The following KLHL3 variants were observed in gnomAD, a reference collection of about 807,000 sequenced individuals.
KLHL3 encodes kelch like family member 3.
Under a neutral mutation model 70.5 loss-of-function variants are expected in KLHL3, and 19 were observed. The ratio of observed to expected loss-of-function variants is 0.27; its 90% CI spans 0.19 to 0.40. KLHL3 has a LOEUF of 0.40. Ranked by LOEUF, KLHL3 falls within the 10% of genes least tolerant of loss-of-function variation. KLHL3 has a pLI of 1.00. For synonymous variants in KLHL3, 258 were observed against 290.3 expected (o/e 0.89, Z 1.13); for missense variants, 512 against 771.1 (o/e 0.66, Z 3.98).
chr5:137,671,443 T>C (rs563185065), intron 6 of KLHL3, among the ~76,000 whole-genome samples: 126 of 152,316 alleles, frequency 8.3e-4, no homozygotes, highest in African/African-American at 2.9e-3. Context: ...CACCAGTCTA[T>C]GAGCCCCTGA....
chr5:137,662,376 G>A (rs1751504480), intron 6 of KLHL3, among the ~76,000 whole-genome samples: 1 of 152,024 alleles, frequency 6.6e-6, no homozygotes, highest in South Asian at 2.1e-4. Context: ...TAAAAATACA[G>A]AGCAGTAACT....
intron 5 of KLHL3, among the ~76,000 whole-genome samples, chr5:137,682,403 T>TAGAAAGAGAGAGAGAGAGAGAGAGAGAG (rs1752049374): frequency 7.5e-6 from 1 of 133,374 alleles, no homozygotes; most frequent in Non-Finnish European, 1.6e-5. Flanking sequence ...GTGCTGGACA[T>TAGAAAGAGAGAGAGAGAGAGAGAGAGAG]AGAGAGAGAG....
At chr5:137,709,154 G>A (rs1336907126) in intron 3 of KLHL3, among the ~76,000 whole-genome samples, 1 of 152,244 alleles carries the variant, frequency 6.6e-6, no homozygotes, top group Non-Finnish European at 1.5e-5. Flanking sequence ...CAAAGGTGCT[G>A]AAACTGAATG....
intron 5 of KLHL3, among the ~76,000 whole-genome samples, chr5:137,690,076 C>A (rs571699931): frequency 6.6e-6 from 1 of 152,218 alleles, no homozygotes; most frequent in Non-Finnish European, 1.5e-5. Context: ...GCCTGTAATC[C>A]CAGCACTTTG....
At chr5:137,693,674 C>G (rs530689408) in intron 4 of KLHL3, among the ~76,000 whole-genome samples, 8 of 152,064 alleles carry the variant, frequency 5.3e-5, no homozygotes, top group Non-Finnish European at 2.9e-5. Flanking sequence ...TCTTGGGGAC[C>G]CTGGCATCCA....
intron 1 of KLHL3, among the ~76,000 whole-genome samples, chr5:137,722,777 G>A (rs769242352): frequency 6.6e-5 from 10 of 151,954 alleles, no homozygotes; most frequent in Non-Finnish European, 1.3e-4. Context: ...AGTGATTCTC[G>A]TGCCTTAGCC....
chr5:137,626,286 T>C (rs771007915), intron 13 of KLHL3, among the ~76,000 whole-genome samples: 1 of 152,194 alleles, frequency 6.6e-6, no homozygotes, highest in Non-Finnish European at 1.5e-5. Context: ...GGGGACTTCA[T>C]GCATGCTACT....
At position 137,626,408 on chromosome 5, in the gene KLHL3, C is replaced by A. The variant is rs1750462537; in HGVS notation, c.1592-512G>T. On this transcript the variant is annotated intron_variant, in intron 13 of 14. Coordinates refer to ENST00000309755, the MANE Select transcript of KLHL3 (RefSeq NM_017415.3). ...ACAAGACTGGGTCTACATTCACACACAACTCCCAGGGATGCAGAACAGCTC... is the reference window on the plus strand; with the variant it reads ...ACAAGACTGGGTCTACATTCACACAAAACTCCCAGGGATGCAGAACAGCTC... Among the ~76,000 whole-genome samples the A allele has an allele frequency of 2.0e-5, 3 of 152,176 alleles. No homozygotes were observed. The South Asian group carries it at 6.2e-4, about 32-fold the overall frequency.
intron 1 of KLHL3, among the ~76,000 whole-genome samples, chr5:137,723,043 T>G (rs1753027342): frequency 6.6e-6 from 1 of 152,224 alleles, no homozygotes; most frequent in African/African-American, 2.4e-5. Flanking sequence ...TTTAAAACTT[T>G]TTATTTTTCT....
chr5:137,647,780 G>C, intron 8 of KLHL3: 1 of 358,752 alleles, frequency 2.8e-6, no homozygotes, highest in South Asian at 2.1e-5. Flanking sequence ...CTGAGAACCA[G>C]GTAATATGAG....
intron 8 of KLHL3, among the ~76,000 whole-genome samples, chr5:137,649,557 C>A (rs1751148225): frequency 6.6e-6 from 1 of 152,224 alleles, no homozygotes; most frequent in African/African-American, 2.4e-5. Flanking sequence ...AAGGACCCAG[C>A]TAAGCCACTC....
intron 8 of KLHL3, among the ~76,000 whole-genome samples, chr5:137,651,658 C>T (rs1044112768): frequency 1.3e-5 from 2 of 152,060 alleles, no homozygotes; most frequent in Non-Finnish European, 2.9e-5. Flanking sequence ...TCTAGAGATT[C>T]AATACCATTC....
At chr5:137,677,878 C>T (rs1278472220) in intron 5 of KLHL3, among the ~76,000 whole-genome samples, 1 of 152,142 alleles carries the variant, frequency 6.6e-6, no homozygotes, top group African/African-American at 2.4e-5. Context: ...TCCTGAACAT[C>T]AACACAGATG....
intron 3 of KLHL3, among the ~76,000 whole-genome samples, chr5:137,701,169 A>T: frequency 6.6e-6 from 1 of 152,042 alleles, no homozygotes; most frequent in Non-Finnish European, 1.5e-5. Context: ...AGTAGCTGAG[A>T]TTACAGGCAT....
At chr5:137,668,422 CA>C (rs926042408) in intron 6 of KLHL3, among the ~76,000 whole-genome samples, 158 of 151,756 alleles carry the variant, frequency 1.0e-3, no homozygotes, top group African/African-American at 3.6e-3. Context: ...AACAAACAAA[CA>C]AAAAAAACCC....
At chr5:137,729,938 C>T (rs1331888601) in intron 1 of KLHL3, among the ~76,000 whole-genome samples, 2 of 152,164 alleles carry the variant, frequency 1.3e-5, no homozygotes, top group South Asian at 2.1e-4. Flanking sequence ...TCTTCATCCT[C>T]TTTCAGCAGT....
chr5:137,690,242 G>T (rs900913185), intron 5 of KLHL3, among the ~76,000 whole-genome samples: 3 of 152,008 alleles, frequency 2.0e-5, no homozygotes, highest in African/African-American at 7.2e-5. Context: ...CAGGAGAATG[G>T]CGTGAACCCA....
chr5:137,640,234 G>A (rs1335711285), intron 8 of KLHL3, among the ~76,000 whole-genome samples: 1 of 152,236 alleles, frequency 6.6e-6, no homozygotes, highest in Non-Finnish European at 1.5e-5. Context: ...TATCTTGTGG[G>A]TATGTGAAGC....
chr5:137,680,393 C>T (rs1350548184), intron 5 of KLHL3, among the ~76,000 whole-genome samples: 1 of 152,098 alleles, frequency 6.6e-6, no homozygotes, highest in Non-Finnish European at 1.5e-5. Context: ...TAATACCTGA[C>T]ATAGGTCTCA....
Sources: gnomAD v4.1 joint callset for allele counts (sites outside exome capture counted in the v4.1 genomes callset) on GRCh38, gnomAD v4.1.1 for gene constraint, MANE v1.5 for transcripts, NCBI Gene and HGNC (gene_info 2026-07-23, HGNC 2026-07-21) for gene names.